NXPH1: variants seen among roughly 807,000 people sequenced by gnomAD.
The protein encoded by NXPH1 is neurexophilin-1.
In NXPH1, 5 loss-of-function variants were observed where a neutral mutation model predicts 23.7. The observed-to-expected ratio is 0.21, with a 90% CI of 0.11 to 0.44. The LOEUF (loss-of-function observed/expected upper bound fraction) is 0.44. Ranked by LOEUF, NXPH1 falls within the 20% of genes least tolerant of loss-of-function variation. The pLI is 0.99. For synonymous variants in NXPH1, 144 were observed against 122.2 expected (o/e 1.18, Z -1.18); for missense variants, 324 against 321.6 (o/e 1.01, Z -0.06).
intron 2 of NXPH1, among the ~76,000 whole-genome samples, chr7:8,566,944 T>G (rs963839008): frequency 1.1e-4 from 17 of 151,848 alleles, no homozygotes; most frequent in African/African-American, 4.1e-4. Flanking sequence ...TCAAATTGTT[T>G]CAAGAACAAG....
In NXPH1 at chr7:8,609,754, A is replaced by C. The variant is rs1457719857; in HGVS notation, c.55-141254A>C. Among the ~76,000 whole-genome samples the C allele has an allele frequency of 1.3e-5, 2 of 152,118 alleles. 1 individual carries two copies. The highest frequency in any genetic ancestry group is 1.3e-4 in the Admixed American group (2 of 15,258). On this transcript the variant is annotated intron_variant, in intron 2 of 2. Coordinates refer to ENST00000405863, the MANE Select transcript of NXPH1 (RefSeq NM_152745.3). ...ACACAATTTTAATATATTTTCTCCC[A>C]AGCTCTCAGAGCTATTTTTGTCTAT...
intron 2 of NXPH1, among the ~76,000 whole-genome samples, chr7:8,486,314 G>A (rs1440818287): frequency 6.6e-6 from 1 of 152,122 alleles, no homozygotes; most frequent in Non-Finnish European, 1.5e-5. Flanking sequence ...TGTTCTTTAA[G>A]GATAAAGCTA....
chr7:8,751,906 A>C lies in NXPH1; in HGVS notation c.*137A>C. The stretch of plus-strand genomic sequence containing the variant: ...CTCTTGTCAACTGGCTGCAAAATAC[A>C]CTAGTGGAAAACACTCTGATGTAAT... On this transcript the variant is annotated 3_prime_UTR_variant, in exon 3 of 3. Coordinates refer to ENST00000405863, the MANE Select transcript of NXPH1 (RefSeq NM_152745.3). This position sits in a 1 kb window ranked among gnomAD's most constrained non-coding sequence, Gnocchi z 4.5. 1.3e-6 allele frequency: 1 copy of C among 758,222 alleles called. No individual in the cohort carries two copies. The allele number at this position is 758,222 out of a possible 1,614,324, so 47.0% of individuals were successfully genotyped here. A position where few individuals can be genotyped will look rare whatever the true frequency, so the allele number is the denominator to read the frequency against.
chr7:8,459,891 T>G (rs1012890680), intron 2 of NXPH1, among the ~76,000 whole-genome samples: 2 of 152,184 alleles, frequency 1.3e-5, no homozygotes, highest in Non-Finnish European at 2.9e-5. Context: ...GAAGATCCCT[T>G]GAAAATAAAA....
intron 2 of NXPH1, among the ~76,000 whole-genome samples, chr7:8,708,354 A>AT (rs1054927139): frequency 7.9e-5 from 12 of 151,680 alleles, no homozygotes; most frequent in African/African-American, 2.9e-4. Context: ...TTTCTTTTTT[A>AT]TTTTTTTAAA....
chr7:8,614,862 C>T (rs548732481), intron 2 of NXPH1, among the ~76,000 whole-genome samples: 157 of 152,032 alleles, frequency 1.0e-3, no homozygotes, highest in African/African-American at 3.7e-3. Context: ...TATTGAACAT[C>T]CTGAAATAAG....
At chr7:8,560,721 C>A (rs1818429581) in intron 2 of NXPH1, among the ~76,000 whole-genome samples, 2 of 151,606 alleles carry the variant, frequency 1.3e-5, no homozygotes, top group African/African-American at 4.8e-5. Context: ...GTGTAACTTT[C>A]CTGGCAGAGT....
intron 2 of NXPH1, among the ~76,000 whole-genome samples, chr7:8,483,135 T>C (rs1314652925): frequency 6.6e-6 from 1 of 152,100 alleles, no homozygotes; most frequent in African/African-American, 2.4e-5. Flanking sequence ...ACTAGGTGTT[T>C]TAAGAACCAA....
intron 2 of NXPH1, among the ~76,000 whole-genome samples, chr7:8,540,619 G>C (rs968630039): frequency 6.6e-6 from 1 of 151,728 alleles, no homozygotes; most frequent in Non-Finnish European, 1.5e-5. Context: ...CGAAAGGAGA[G>C]AGCTGCTTTT....
chr7:8,554,686 C>G lies in NXPH1; in HGVS notation c.54+118919C>G, dbSNP rs148856229. Among the ~76,000 whole-genome samples the G allele has an allele frequency of 2.6e-5, 4 of 151,780 alleles. No individual in the cohort carries two copies. The East Asian group carries it at 7.8e-4, about 30-fold the overall frequency. On this transcript the variant is annotated intron_variant, in intron 2 of 2. Coordinates refer to ENST00000405863, the MANE Select transcript of NXPH1 (RefSeq NM_152745.3). ...ACCTGTGTTAAAAAACAGAACATGG[C>G]TGATCTATTTCCTGAATTCTTTGGC... is the stretch of plus-strand genomic sequence containing the variant.
chr7:8,461,816 G>A (rs1353438352), intron 2 of NXPH1, among the ~76,000 whole-genome samples: 1 of 124,832 alleles, frequency 8.0e-6, no homozygotes, highest in Non-Finnish European at 1.6e-5. Context: ...CGGCCTGGGC[G>A]ACAGAGCGAG....
chr7:8,722,299 T>A (rs1369874554), intron 2 of NXPH1, among the ~76,000 whole-genome samples: 1 of 152,244 alleles, frequency 6.6e-6, no homozygotes, highest in African/African-American at 2.4e-5. Flanking sequence ...GCAAGACTTC[T>A]GAAAATAGGA....
chr7:8,686,434 A>G (rs1368316539), intron 2 of NXPH1, among the ~76,000 whole-genome samples: 5 of 152,206 alleles, frequency 3.3e-5, no homozygotes, highest in Non-Finnish European at 7.4e-5. Context: ...CAAATAATGC[A>G]GAAAATATCA....
chr7:8,578,833 C>T (rs1047172859), intron 2 of NXPH1, among the ~76,000 whole-genome samples: 6 of 152,144 alleles, frequency 3.9e-5, no homozygotes, highest in African/African-American at 1.2e-4. Context: ...CATTTTAGTT[C>T]AGTTGAGCCT....
chr7:8,703,973 C>T (rs1233273595), intron 2 of NXPH1, among the ~76,000 whole-genome samples: 1 of 152,044 alleles, frequency 6.6e-6, no homozygotes, highest in Non-Finnish European at 1.5e-5. Flanking sequence ...AGAATGAAGT[C>T]TGACCCAGGA....
intron 2 of NXPH1, among the ~76,000 whole-genome samples, chr7:8,506,697 G>A (rs1298504643): frequency 6.6e-6 from 1 of 152,072 alleles, no homozygotes; most frequent in African/African-American, 2.4e-5. Flanking sequence ...TGATGTTTGA[G>A]ATAAGAGCTA....
In NXPH1 at chr7:8,701,111, T is replaced by C. The variant is rs1398183713; in HGVS notation, c.55-49897T>C. On this transcript the variant is annotated intron_variant, in intron 2 of 2. Coordinates refer to ENST00000405863, the MANE Select transcript of NXPH1 (RefSeq NM_152745.3). ...TATTCATATTCATATTCTGTTAATG[T>C]ATATAAGGCATATCTCCAAGGCCAA... Among the ~76,000 whole-genome samples the C allele has an allele frequency of 2.0e-5, 3 of 152,202 alleles. No homozygotes were observed. The East Asian group carries it at 5.8e-4, about 29-fold the overall frequency.
At chr7:8,459,852 A>G (rs6969626) in intron 2 of NXPH1, among the ~76,000 whole-genome samples, 25,398 of 152,156 alleles carry the variant, frequency 0.17, 5,454 homozygotes, top group African/African-American at 0.5. Context: ...TGTTGCACGA[A>G]TGAATTCGTG....
chr7:8,462,667 G>A (rs992166037), intron 2 of NXPH1, among the ~76,000 whole-genome samples: 4 of 152,144 alleles, frequency 2.6e-5, no homozygotes, highest in African/African-American at 9.7e-5. Flanking sequence ...TTGTATCAGA[G>A]AAAATGCTGA....
Sources: gnomAD v4.1 joint callset for allele counts (sites outside exome capture counted in the v4.1 genomes callset) on GRCh38, gnomAD v4.1.1 for gene constraint, Gnocchi (gnomAD v3.1) non-coding constraint, MANE v1.5 for transcripts, NCBI Gene and HGNC (gene_info 2026-07-23, HGNC 2026-07-21) for gene names.